TMEM63A: variants seen among roughly 807,000 people sequenced by gnomAD.
TMEM63A encodes the protein mechanosensitive cation channel TMEM63A.
Under a neutral mutation model 100.6 loss-of-function variants are expected in TMEM63A, and 76 were observed. The ratio of observed to expected loss-of-function variants is 0.76; its 90% CI spans 0.63 to 0.91. The LOEUF is 0.91. TMEM63A is among the 40% of genes least tolerant of loss of function. The pLI, the probability that TMEM63A is intolerant of heterozygous loss-of-function variation, is 0.00. For synonymous variants in TMEM63A, 401 were observed against 401.1 expected (o/e 1.00, Z 0.00); for missense variants, 876 against 1,008.8 (o/e 0.87, Z 1.78).
At chr1:225,876,332 C>A (rs1670801604) in intron 3 of TMEM63A, among the ~76,000 whole-genome samples, 1 of 151,916 alleles carries the variant, frequency 6.6e-6, no homozygotes, top group Admixed American at 6.6e-5. Context: ...AAGCCACCCT[C>A]CCCATGTTCC....
At chr1:225,845,093 C>T (rs577513132), downstream of TMEM63A, 26 of 1,593,002 alleles carry the variant, frequency 1.6e-5, no homozygotes, top group East Asian at 2.2e-5. Flanking sequence ...CTGTGCAGGA[C>T]GGAGGGGCGC....
rs987210512 is a variant in TMEM63A at position 225,867,047 on chromosome 1, G to C, written c.566+65C>G. On this transcript the variant is annotated intron_variant, in intron 8 of 24. Transcript: ENST00000366835. The surrounding 1 kb of genome is among the most constrained non-coding windows in gnomAD (Gnocchi z 4.6). ...TTGGAGTACCTCTGGCCTGCCCCGGGCTCCTGACCTGCCTTCTCCTTGATC... is the reference window on the plus strand; with the variant it reads ...TTGGAGTACCTCTGGCCTGCCCCGGCCTCCTGACCTGCCTTCTCCTTGATC... 3.8e-6 allele frequency: 6 copies of C among 1,571,510 alleles called. No individual in the cohort carries two copies. In the South Asian group the frequency reaches 6.7e-5, roughly 17 times the overall value.
At position 225,874,255 on chromosome 1, in the gene TMEM63A, C is replaced by A. The variant is rs760538657; in HGVS notation, c.266+33G>T. The A allele has an allele frequency of 4.4e-6, 7 of 1,602,124 alleles. No homozygotes were observed. The African/African-American group carries it at 9.4e-5, about 22-fold the overall frequency. On this transcript the variant is annotated intron_variant, in intron 4 of 24. Transcript: ENST00000366835. ...ATATACACACTCACACGTACGCACACGCATGCTCACAGCCTAGGCGATATG... is the reference window on the plus strand; with the variant it reads ...ATATACACACTCACACGTACGCACAAGCATGCTCACAGCCTAGGCGATATG...
intron 4 of TMEM63A, among the ~76,000 whole-genome samples, 181 bp downstream of exon 4, chr1:225,874,107 C>T (rs944229861): frequency 6.6e-6 from 1 of 152,206 alleles, no homozygotes; most frequent in Non-Finnish European, 1.5e-5. Context: ...AATCTCATAG[C>T]AGTGTCATGT....
chr1:225,865,830 C>A lies in TMEM63A; in HGVS notation c.746+67G>T. 1 of 1,559,872 alleles carries A rather than the reference C, an allele frequency of 6.4e-7. No homozygotes were observed. The highest frequency in any genetic ancestry group is 1.1e-5 in the South Asian group (1 of 88,386). On this transcript the variant is annotated intron_variant, in intron 10 of 24. Coordinates refer to ENST00000366835, the MANE Select transcript of TMEM63A (RefSeq NM_014698.3). This position sits in a 1 kb window ranked among gnomAD's most constrained non-coding sequence, Gnocchi z 4.6. ...AAGGCGCTCACCTAAGGTGCTCGCC[C>A]TGCGGGTGGGGCTGTGTTGGTCCTA...
At chr1:225,850,146 C>CTCCGGGGCGGCTAT in intron 20 of TMEM63A, 67 bp from the exon 21 acceptor site, 2 of 1,562,654 alleles carry the variant, frequency 1.3e-6, no homozygotes, top group Admixed American at 3.6e-5. Flanking sequence ...TCCTCTTCCT[C>CTCCGGGGCGGCTAT]TCCGGGGCGG....
Position 225,853,380 on chromosome 1 carries a change from C to T in TMEM63A, c.1797+249G>A, listed in dbSNP as rs1007322900. 3.3e-5 allele frequency among the ~76,000 whole-genome samples: 5 copies of T among 152,156 alleles called. No individual in the cohort carries two copies. The highest frequency in any genetic ancestry group is 7.2e-5 in the African/African-American group (3 of 41,420). Reference sequence around the variant, plus strand: ...TTTGAGTTGTATGTATGTATGTGTGCGATCAAACCGTTTCAAATGCCAAAG... The same window carrying T: ...TTTGAGTTGTATGTATGTATGTGTGTGATCAAACCGTTTCAAATGCCAAAG... On this transcript the variant is annotated intron_variant, in intron 19 of 24. Transcript: ENST00000366835. This position sits in a 1 kb window ranked among gnomAD's most constrained non-coding sequence, Gnocchi z 4.0.
At chr1:225,880,327 C>T (rs1671027020) in intron 1 of TMEM63A, among the ~76,000 whole-genome samples, 1 of 152,186 alleles carries the variant, frequency 6.6e-6, no homozygotes, top group Admixed American at 6.5e-5. Flanking sequence ...CAGCTCCGTC[C>T]CTCTGGCTCT....
chr1:225,870,924 C>T, intron 6 of TMEM63A, 152 bp downstream of exon 6: 2 of 725,852 alleles, frequency 2.8e-6, no homozygotes, highest in Non-Finnish European at 4.5e-6. Context: ...CCTTGATTCT[C>T]AGCCCTCACA....
At chr1:225,880,552 TC>T (rs1434275553) in intron 1 of TMEM63A, among the ~76,000 whole-genome samples, 1 of 152,094 alleles carries the variant, frequency 6.6e-6, no homozygotes, top group Non-Finnish European at 1.5e-5. Flanking sequence ...TATTCAGTCA[TC>T]CTAGATGTAT....
Position 225,877,570 on chromosome 1 carries a change from G to A in TMEM63A, c.11C>T (p.Ser4Phe), listed in dbSNP as rs147318694. The A allele has an allele frequency of 6.2e-7, 1 of 1,613,508 alleles. No individual in the cohort carries two copies. The highest frequency in any genetic ancestry group is 1.3e-5 in the African/African-American group (1 of 75,050). MMD[S>F]PFLELWQSKA... ...GGACTGCCACAGCTCCAGGAACGGG[G>A]AGTCCATCATCGCGCCTGTCTTCCC... The change falls in exon 3 of 25, where the codon TCC becomes TTC. Residue 4 changes from serine (S) to phenylalanine (F), a missense_variant. By Grantham distance (155) the Ser-to-Phe change is radical (BLOSUM62 -2). Around this residue, in one of 5 missense-constraint regions of TMEM63A, gnomAD observed 43 missense variants for 48.9 expected, o/e 0.88. Coordinates refer to ENST00000366835, the MANE Select transcript of TMEM63A (RefSeq NM_014698.3).
intron 1 of TMEM63A, among the ~76,000 whole-genome samples, chr1:225,879,808 C>A (rs1239090912): frequency 6.6e-6 from 1 of 152,222 alleles, no homozygotes; most frequent in Admixed American, 6.5e-5. Context: ...GGGAGGCTCC[C>A]CAGGGTTCCC....
At chr1:225,860,597 T>C in intron 14 of TMEM63A, 1 of 344,664 alleles carries the variant, frequency 2.9e-6, no homozygotes, top group Non-Finnish European at 5.2e-6. Flanking sequence ...GCATGGCTAT[T>C]AGGAAATTTA....
intron 9 of TMEM63A, 94 bp downstream of exon 9, chr1:225,866,480 A>G (rs2102629072): frequency 9.1e-7 from 1 of 1,099,336 alleles, no homozygotes; most frequent in Non-Finnish European, 1.4e-6. Context: ...AGCTCATTGC[A>G]GTCAGGGCCT....
chr1:225,859,121 C>T lies in TMEM63A; in HGVS notation c.1377+75G>A, dbSNP rs566059456. On this transcript the variant is annotated intron_variant, in intron 15 of 24. Coordinates refer to ENST00000366835, the MANE Select transcript of TMEM63A (RefSeq NM_014698.3). Reference sequence around the variant, plus strand: ...TCCCCGCACACACCCCACTCCTGTCCCCACTCCTTCCCCACCCACCAAGCC... The same window carrying T: ...TCCCCGCACACACCCCACTCCTGTCTCCACTCCTTCCCCACCCACCAAGCC... 4 of 1,600,666 alleles carry T rather than the reference C, an allele frequency of 2.5e-6. No individual in the cohort carries two copies. The South Asian group carries it at 4.5e-5, about 18-fold the overall frequency.
chr1:225,848,864 G>A (rs941948690), intron 22 of TMEM63A, 33 bp downstream of exon 22: 1 of 1,516,946 alleles, frequency 6.6e-7, no homozygotes, highest in Non-Finnish European at 9.0e-7. Flanking sequence ...TCCTCCCAGG[G>A]CTTGACCGGG....
intron 6 of TMEM63A, among the ~76,000 whole-genome samples, chr1:225,869,755 C>A (rs1459019944): frequency 6.7e-6 from 1 of 149,960 alleles, no homozygotes; most frequent in African/African-American, 2.5e-5. Flanking sequence ...CTCCGCCTTC[C>A]GGTTTCAAGC....
At chr1:225,851,531 A>G (rs1021233337) in intron 20 of TMEM63A, among the ~76,000 whole-genome samples, 2 of 151,950 alleles carry the variant, frequency 1.3e-5, no homozygotes, top group African/African-American at 4.8e-5. Context: ...CACCATGCCC[A>G]GTTAATTTTT....
chr1:225,881,345 AAAC>A (rs1671077778), intron 1 of TMEM63A, among the ~76,000 whole-genome samples: 1 of 151,972 alleles, frequency 6.6e-6, no homozygotes, highest in Non-Finnish European at 1.5e-5. Context: ...CACAGATCCC[AAAC>A]AACACCTGTA....
Sources: allele counts gnomAD v4.1 joint callset (sites outside exome capture counted in the v4.1 genomes callset), GRCh38; gene constraint gnomAD v4.1.1; regional missense constraint gnomAD v4.1.1; non-coding constraint Gnocchi (gnomAD v3.1); transcripts MANE v1.5; gene names NCBI Gene and HGNC (gene_info 2026-07-23, HGNC 2026-07-21).